Variants in POLR3B observed in about 807,000 individuals in gnomAD.
POLR3B encodes the protein RNA polymerase III subunit B.
A neutral mutation model predicts 147.4 loss-of-function variants in POLR3B; 96 were observed. The ratio of observed to expected loss-of-function variants is 0.65; its 90% CI spans 0.55 to 0.77. POLR3B has a LOEUF of 0.77. Ranked by LOEUF, POLR3B falls within the 30% of genes least tolerant of loss-of-function variation. POLR3B has a pLI of 0.00. For missense variants in POLR3B, 1,036 were observed against 1,413.5 expected (o/e 0.73, Z 4.28); for synonymous variants, 461 against 485.9 (o/e 0.95, Z 0.67).
rs777583980 is a variant in POLR3B at position 106,432,473 on chromosome 12, T to C, written c.1620T>C (p.Phe540=). The C allele has an allele frequency of 1.2e-6, 2 of 1,612,226 alleles. No individual in the cohort carries two copies. Among genetic ancestry groups the C allele is most frequent in the African/African-American group, 2.7e-5 (2 of 75,012 alleles). ...ELSYPNVFLV[F]LNGNILGVIR... is the part of the protein sequence containing the mutation. ...CTTACCCAAATGTGTTTCTTGTCTTTCTTAATGGTGGGTATATTATAGAGA... is the reference window on the plus strand; with the variant it reads ...CTTACCCAAATGTGTTTCTTGTCTTCCTTAATGGTGGGTATATTATAGAGA... The change falls in exon 15 of 28, where the codon TTT becomes TTC. Residue 540 remains phenylalanine, a synonymous_variant. Transcript: ENST00000228347.
At chr12:106,376,582 A>G (rs1310576344) in intron 7 of POLR3B, 132 bp downstream of exon 7, 2 of 721,402 alleles carry the variant, frequency 2.8e-6, no homozygotes, top group African/African-American at 3.5e-5. Context: ...CAAAACACCC[A>G]GAAATTTGTC....
At chr12:106,365,873 AT>A (rs34013979) in intron 2 of POLR3B, among the ~76,000 whole-genome samples, 7,182 of 131,424 alleles carry the variant, frequency 0.055, 361 homozygotes, top group African/African-American at 0.17. Context: ...AAAAAAAAAA[AT>A]TTTTTTTTTG....
At chr12:106,508,021 A>G (rs1056787804) in intron 27 of POLR3B, among the ~76,000 whole-genome samples, 1 of 152,152 alleles carries the variant, frequency 6.6e-6, no homozygotes, top group Non-Finnish European at 1.5e-5. Flanking sequence ...TTTACGTATG[A>G]TTTTGGGGGC....
At chr12:106,428,071 T>C (rs1469555153) in intron 13 of POLR3B, among the ~76,000 whole-genome samples, 2 of 152,200 alleles carry the variant, frequency 1.3e-5, no homozygotes, top group Non-Finnish European at 2.9e-5. Context: ...TTTAGAACTT[T>C]ATAGTGTGTC....
chr12:106,364,967 C>T (rs144142083), intron 2 of POLR3B, among the ~76,000 whole-genome samples: 2 of 152,236 alleles, frequency 1.3e-5, no homozygotes, highest in Non-Finnish European at 2.9e-5. Flanking sequence ...AACCTCGTCT[C>T]TACTAAAGAT....
At chr12:106,479,796 C>CTTCTT (rs71072680) in intron 23 of POLR3B, among the ~76,000 whole-genome samples, 3,504 of 133,976 alleles carry the variant, frequency 0.026, 139 homozygotes, top group African/African-American at 0.07. Flanking sequence ...TCTTTCCTTC[C>CTTCTT]TTCTTTTCTT....
intron 19 of POLR3B, among the ~76,000 whole-genome samples, chr12:106,452,304 T>G (rs1252824799): frequency 1.3e-5 from 2 of 152,210 alleles, no homozygotes; most frequent in African/African-American, 2.4e-5. Context: ...TAAAAGGCCT[T>G]TAGAGAAAAC....
intron 23 of POLR3B, among the ~76,000 whole-genome samples, chr12:106,472,080 T>C (rs1261221033): frequency 7.7e-6 from 1 of 129,228 alleles, no homozygotes; most frequent in African/African-American, 3.2e-5. Flanking sequence ...ATCTCATTGT[T>C]CAATTCCCAC....
intron 20 of POLR3B, among the ~76,000 whole-genome samples, chr12:106,456,810 A>G (rs1281378146): frequency 6.6e-6 from 1 of 152,100 alleles, no homozygotes; most frequent in Non-Finnish European, 1.5e-5. Context: ...CTAATATTCT[A>G]TGGCTCTGTC....
chr12:106,378,989 T>C (rs1465267525), intron 8 of POLR3B, among the ~76,000 whole-genome samples: 1 of 152,222 alleles, frequency 6.6e-6, no homozygotes, highest in African/African-American at 2.4e-5. Flanking sequence ...AGTGCGGTAG[T>C]TTCCTGTTTG....
Position 106,454,843 on chromosome 12 carries a change from G to A in POLR3B, c.2293+132G>A. The A allele has an allele frequency of 4.4e-6, 3 of 674,990 alleles. No individual in the cohort carries two copies. The South Asian group carries it at 4.9e-5, about 11-fold the overall frequency. 41.8% of individuals were successfully genotyped at this position (674,990 alleles called of 1,614,324 possible). ...ATTTTATGATATAGAAACAGGAGGT[G>A]GTTGGGTTTTGATGTTGGCTTTCTT... is the stretch of plus-strand genomic sequence containing the variant. On this transcript the variant is annotated intron_variant, in intron 20 of 27. Coordinates refer to ENST00000228347, the MANE Select transcript of POLR3B (RefSeq NM_018082.6).
At chr12:106,507,404 T>A (rs978961038) in intron 27 of POLR3B, among the ~76,000 whole-genome samples, 1 of 152,134 alleles carries the variant, frequency 6.6e-6, no homozygotes, top group African/African-American at 2.4e-5. Flanking sequence ...TCAGTACATA[T>A]GGAAATTTAA....
intron 25 of POLR3B, among the ~76,000 whole-genome samples, chr12:106,501,045 C>G (rs1324819648): frequency 6.6e-6 from 1 of 152,150 alleles, no homozygotes; most frequent in East Asian, 1.9e-4. Flanking sequence ...AGGATGGTGG[C>G]CTGACCAGGG....
At chr12:106,459,060 T>G (rs1387579855) in intron 21 of POLR3B, among the ~76,000 whole-genome samples, 191 bp from the exon 22 acceptor site, 1 of 152,144 alleles carries the variant, frequency 6.6e-6, no homozygotes, top group East Asian at 1.9e-4. Context: ...TGAGTCTCAC[T>G]CTGTTGCACA....
intron 6 of POLR3B, among the ~76,000 whole-genome samples, chr12:106,373,182 G>T (rs189029936): frequency 6.6e-6 from 1 of 152,216 alleles, no homozygotes; most frequent in East Asian, 1.9e-4. Flanking sequence ...TACTACAATA[G>T]GTATGTTAAA....
At chr12:106,429,089 GAGGA>G (rs2037474476) in intron 13 of POLR3B, among the ~76,000 whole-genome samples, 1 of 152,222 alleles carries the variant, frequency 6.6e-6, no homozygotes, top group South Asian at 2.1e-4. Context: ...GTCCTCTGAG[GAGGA>G]ATGAAGAACC....
chr12:106,364,276 T>G (rs2036504114), intron 2 of POLR3B, among the ~76,000 whole-genome samples: 1 of 152,182 alleles, frequency 6.6e-6, no homozygotes, highest in African/African-American at 2.4e-5. Context: ...ATCAAGGTGT[T>G]CAAGAGGAGC....
intron 24 of POLR3B, 165 bp from the exon 25 acceptor site, chr12:106,496,587 T>A: frequency 1.5e-6 from 1 of 672,120 alleles, no homozygotes; most frequent in Non-Finnish European, 2.7e-6. Context: ...CATAGGGGTA[T>A]TGAGAGGCGT....
intron 12 of POLR3B, among the ~76,000 whole-genome samples, chr12:106,425,823 G>T (rs775039278): frequency 6.6e-6 from 1 of 152,122 alleles, no homozygotes; most frequent in Non-Finnish European, 1.5e-5. Flanking sequence ...TTTCTTTAAA[G>T]TTTAACCACC....
Sources: gnomAD v4.1 joint callset for allele counts (sites outside exome capture counted in the v4.1 genomes callset) on GRCh38, gnomAD v4.1.1 for gene constraint, MANE v1.5 for transcripts, NCBI Gene and HGNC (gene_info 2026-07-23, HGNC 2026-07-21) for gene names.